Variants in CPM observed in about 807,000 individuals in gnomAD.
CPM encodes the protein renal carboxypeptidase.
A neutral mutation model predicts 46.4 loss-of-function variants in CPM; 35 were observed. That is an observed-to-expected ratio of 0.75 (90% CI 0.58 to 1.00). The LOEUF (loss-of-function observed/expected upper bound fraction) is 1.00, where lower values mean the gene tolerates loss of function less well. CPM is among the 50% of genes least tolerant of loss of function. The probability of loss-of-function intolerance (pLI) is 0.00; values close to 1 mark genes in which losing one functional copy is unlikely to be tolerated. For synonymous variants in CPM, 195 were observed against 195.3 expected (o/e 1.00, Z 0.01); for missense variants, 422 against 530.4 (o/e 0.80, Z 2.01).
chr12:68,927,525 T>A (rs955566492), intron 2 of CPM, among the ~76,000 whole-genome samples: 14 of 152,242 alleles, frequency 9.2e-5, no homozygotes, highest in African/African-American at 3.4e-4. Context: ...GCCTGTTCAC[T>A]CTGATGGTAG....
chr12:68,918,247 C>G (rs1887891398), intron 2 of CPM, among the ~76,000 whole-genome samples: 1 of 152,186 alleles, frequency 6.6e-6, no homozygotes. Flanking sequence ...TGTGACGGTG[C>G]TATAGCTCGA....
intron 7 of CPM, among the ~76,000 whole-genome samples, chr12:68,860,913 C>G (rs181695451): frequency 1.9e-4 from 29 of 151,422 alleles, no homozygotes; most frequent in African/African-American, 5.6e-4. Context: ...CAGGGTCTTG[C>G]TCTGTCACCC....
In CPM at chr12:68,853,534, G is replaced by T. The variant is rs912525960; in HGVS notation, c.*2903C>A. ...GTAGAATAAGCTTGGCATAGAAATG[G>T]CCTAAATGCTCCTGTAGCTCTTCAT... On this transcript the variant is annotated 3_prime_UTR_variant, in exon 9 of 9. Coordinates refer to ENST00000551568, the MANE Select transcript of CPM (RefSeq NM_198320.5). The T allele has an allele frequency of 6.6e-6, 1 of 152,012 alleles. No individual in the cohort carries two copies. The highest frequency in any genetic ancestry group is 1.5e-5 in the Non-Finnish European group (1 of 68,022). 9.4% of individuals were successfully genotyped at this position (152,012 alleles called of 1,614,324 possible).
At chr12:68,892,502 A>T (rs952969785) in intron 2 of CPM, among the ~76,000 whole-genome samples, 3 of 152,176 alleles carry the variant, frequency 2.0e-5, no homozygotes, top group Admixed American at 2.0e-4. Context: ...CACTTCTGGG[A>T]TCAGGCTGCT....
intron 2 of CPM, among the ~76,000 whole-genome samples, chr12:68,921,302 C>T (rs1400163231): frequency 1.3e-5 from 2 of 151,624 alleles, no homozygotes; most frequent in East Asian, 1.9e-4. Context: ...CCACCATGCC[C>T]GGCTAATTTT....
At chr12:68,928,052 C>T (rs983300006) in intron 2 of CPM, among the ~76,000 whole-genome samples, 1 of 152,130 alleles carries the variant, frequency 6.6e-6, no homozygotes, top group Non-Finnish European at 1.5e-5. Flanking sequence ...AAAAAGAGCC[C>T]GCATTGCCAA....
At position 68,867,054 on chromosome 12, in the gene CPM, C is replaced by A; in HGVS notation, c.788-6G>T. Reference sequence around the variant, plus strand: ...GTTGTAATCTTGCATTCCACCTAAACACAAGCATATTTAATTTTTGTTAGG... The same window carrying A: ...GTTGTAATCTTGCATTCCACCTAAAAACAAGCATATTTAATTTTTGTTAGG... On this transcript the variant is annotated splice_polypyrimidine_tract_variant and splice_region_variant and intron_variant, in intron 6 of 8. Transcript: ENST00000551568. 1 of 1,613,504 alleles carries A rather than the reference C, an allele frequency of 6.2e-7. No homozygotes were observed. The highest frequency in any genetic ancestry group is 8.5e-7 in the Non-Finnish European group (1 of 1,179,850).
At chr12:68,946,920 GA>G (rs1385574681) in intron 1 of CPM, among the ~76,000 whole-genome samples, 1 of 152,152 alleles carries the variant, frequency 6.6e-6, no homozygotes, top group Non-Finnish European at 1.5e-5. Context: ...TCTTGACTCT[GA>G]AAAACACAAA....
At chr12:68,867,970 C>G (rs1885528879) in intron 6 of CPM, among the ~76,000 whole-genome samples, 1 of 152,152 alleles carries the variant, frequency 6.6e-6, no homozygotes, top group Non-Finnish European at 1.5e-5. Flanking sequence ...CAGGCCAGGC[C>G]AGGCACATTC....
At position 68,852,286 on chromosome 12, in the gene CPM, T is replaced by C. The variant is rs557407387; in HGVS notation, c.*4151A>G. The stretch of plus-strand genomic sequence containing the variant: ...TGTTTTTCTAAAATACTCTTTGCCA[T>C]TTAGATTCAATCATGTCAACATTTA... On this transcript the variant is annotated 3_prime_UTR_variant, in exon 9 of 9. Coordinates refer to ENST00000551568, the MANE Select transcript of CPM (RefSeq NM_198320.5). 2.6e-5 allele frequency: 4 copies of C among 152,376 alleles called. No individual in the cohort carries two copies. Among genetic ancestry groups the C allele is most frequent in the Non-Finnish European group, 5.9e-5 (4 of 68,042 alleles). The allele number at this position is 152,376 out of a possible 1,614,324, so 9.4% of individuals were successfully genotyped here.
At chr12:68,857,789 T>A (rs1885041497) in intron 8 of CPM, among the ~76,000 whole-genome samples, 1 of 152,220 alleles carries the variant, frequency 6.6e-6, no homozygotes, top group Non-Finnish European at 1.5e-5. Context: ...GAACAATTCA[T>A]AACTTTATTC....
chr12:68,909,576 G>T (rs1433854381), intron 2 of CPM, among the ~76,000 whole-genome samples: 6 of 151,998 alleles, frequency 3.9e-5, no homozygotes, highest in Admixed American at 1.3e-4. Context: ...GCAAAGACTT[G>T]GAACCAACCC....
At chr12:68,913,884 T>C (rs1887700306) in intron 2 of CPM, 2 of 688,690 alleles carry the variant, frequency 2.9e-6, no homozygotes, top group Non-Finnish European at 5.5e-6. Flanking sequence ...GCCAGTTCCT[T>C]GACCTCAGTA....
chr12:68,868,177 T>C (rs1332954827), intron 6 of CPM, among the ~76,000 whole-genome samples: 1 of 152,188 alleles, frequency 6.6e-6, no homozygotes, highest in African/African-American at 2.4e-5. Flanking sequence ...GGGCCCTTTC[T>C]TAGCTACAAA....
chr12:68,953,955 A>G (rs1186718245), intron 1 of CPM, among the ~76,000 whole-genome samples: 1 of 152,248 alleles, frequency 6.6e-6, no homozygotes, highest in African/African-American at 2.4e-5. Context: ...ATTACAACAT[A>G]GAAATCCATC....
upstream of CPM, among the ~76,000 whole-genome samples, chr12:68,933,371 G>C (rs1239051936): frequency 6.6e-6 from 1 of 152,036 alleles, no homozygotes; most frequent in Non-Finnish European, 1.5e-5. Flanking sequence ...CCCGCGGCCG[G>C]GCGGCTGAGC....
intron 1 of CPM, among the ~76,000 whole-genome samples, chr12:68,958,230 T>C (rs949520857): frequency 5.3e-5 from 8 of 152,192 alleles, no homozygotes; most frequent in African/African-American, 1.9e-4. Flanking sequence ...CTGGGTCAAA[T>C]GGTACTTCTA....
intron 4 of CPM, 94 bp downstream of exon 4, chr12:68,871,690 A>G: frequency 7.4e-7 from 1 of 1,357,508 alleles, no homozygotes; most frequent in Non-Finnish European, 1.0e-6. Flanking sequence ...GGCTCTCACC[A>G]TGACACATCT....
chr12:68,925,007 TG>T (rs1291572699), intron 2 of CPM, among the ~76,000 whole-genome samples: 28 of 152,258 alleles, frequency 1.8e-4, no homozygotes, highest in African/African-American at 6.7e-4. Context: ...TGTCTGTTAA[TG>T]ATGGGAAGGT....
Sources: allele counts gnomAD v4.1 joint callset (sites outside exome capture counted in the v4.1 genomes callset), GRCh38; gene constraint gnomAD v4.1.1; transcripts MANE v1.5; gene names NCBI Gene and HGNC (gene_info 2026-07-23, HGNC 2026-07-21).